Variants in FGF13 observed in about 807,000 individuals in gnomAD.
FGF13 encodes the protein fibroblast growth factor homologous factor 2.
FGF13 carries 2 observed loss-of-function variants against 19.5 expected under a neutral mutation model. The ratio of observed to expected loss-of-function variants is 0.10; its 90% CI spans 0.04 to 0.32. The LOEUF is 0.32. FGF13 is among the 10% of genes least tolerant of loss of function. The pLI, the probability that FGF13 is intolerant of heterozygous loss-of-function variation, is 1.00. For missense variants in FGF13, 113 were observed against 192.7 expected (o/e 0.59, Z 2.45); for synonymous variants, 72 against 76.9 (o/e 0.94, Z 0.33).
intron 3 of FGF13, among the ~76,000 whole-genome samples, chrX:138,655,994 C>T (rs1345595868): frequency 1.8e-5 from 2 of 112,085 alleles, no homozygotes; most frequent in East Asian, 5.6e-4. Context: ...ACACCTACTA[C>T]ATGCATGAAA....
chrX:139,003,289 G>T (rs1296117115), intron 1 of FGF13, among the ~76,000 whole-genome samples: 6 of 110,800 alleles, frequency 5.4e-5, no homozygotes, highest in Non-Finnish European at 1.1e-4. Flanking sequence ...GTTCCTCCCG[G>T]TGGGCTTGTG....
chrX:138,757,086 G>A (rs756752012), intron 3 of FGF13, among the ~76,000 whole-genome samples: 13 of 110,866 alleles, frequency 1.2e-4, no homozygotes, highest in Non-Finnish European at 1.9e-4. Context: ...GGATGGGTGC[G>A]ATGAGAAACA....
rs1325144385 is a variant in FGF13, at chrX:138,625,510, TA to T, written c.*7339del. 11 of 90,151 alleles carry T rather than the reference TA, an allele frequency of 1.2e-4. No individual in the cohort carries two copies. The highest frequency in any genetic ancestry group is 5.1e-4 in the African/African-American group (10 of 19,489). The allele number at this position is 90,151 out of a possible 1,213,427, so 7.4% of individuals were successfully genotyped here. A position where few individuals can be genotyped will look rare whatever the true frequency, so the allele number is the denominator to read the frequency against. On this transcript the variant is annotated 3_prime_UTR_variant, in exon 5 of 5. Coordinates refer to ENST00000315930, the MANE Select transcript of FGF13 (RefSeq NM_004114.5). ...ATATATATATATACATATATATATA[TA>T]ATATAATATATATATATATCTTAGC... is the stretch of plus-strand genomic sequence containing the variant.
At chrX:138,932,162 G>T (rs2124260329) in intron 1 of FGF13, among the ~76,000 whole-genome samples, 1 of 112,069 alleles carries the variant, frequency 8.9e-6, no homozygotes, top group African/African-American at 3.2e-5. Flanking sequence ...GTCCTTAAAA[G>T]CTTAAATATC....
chrX:138,849,037 T>C (rs1206574215), intron 3 of FGF13, among the ~76,000 whole-genome samples: 1 of 111,296 alleles, frequency 9.0e-6, no homozygotes, highest in East Asian at 2.8e-4. Context: ...CGATAGTAGG[T>C]GGGAATCGAG....
intron 1 of FGF13, among the ~76,000 whole-genome samples, chrX:138,879,780 T>G (rs758794952): frequency 9.0e-6 from 1 of 111,160 alleles, no homozygotes; most frequent in South Asian, 3.8e-4. Flanking sequence ...GGCAAAGACT[T>G]CATGACTAAA....
chrX:139,161,361 C>T lies in FGF13; in HGVS notation c.-113+42055G>A, dbSNP rs182742554. The stretch of plus-strand genomic sequence containing the variant: ...ACATATCTCAAAATAATAAGAGCTA[C>T]TTATGACAAACCCACAGTCAATATC... On this transcript the variant is annotated intron_variant, in intron 1 of 2. Transcript: ENST00000421460. Among the ~76,000 whole-genome samples the T allele has an allele frequency of 3.5e-3, 389 of 111,666 alleles. 3 individuals are homozygous for T. Among genetic ancestry groups the T allele is most frequent in the African/African-American group, 0.012 (368 of 30,769 alleles).
intron 1 of FGF13, among the ~76,000 whole-genome samples, chrX:139,020,257 A>G (rs1231725220): frequency 1.8e-5 from 2 of 111,531 alleles, no homozygotes; most frequent in African/African-American, 6.5e-5. Context: ...CCTTCTTCAC[A>G]GACAGAAATT....
intron 3 of FGF13, among the ~76,000 whole-genome samples, chrX:138,781,845 G>A (rs780735113): frequency 1.8e-5 from 2 of 111,768 alleles, no homozygotes; most frequent in South Asian, 7.5e-4. Context: ...GCCGGGCAGA[G>A]ACACAACGAA....
chrX:139,141,012 C>T (rs2083838665), intron 1 of FGF13, among the ~76,000 whole-genome samples: 1 of 108,348 alleles, frequency 9.2e-6, no homozygotes, highest in Non-Finnish European at 1.9e-5. Context: ...GAAATGCCAG[C>T]TTTTCCTCGA....
At chrX:139,161,733 T>A (rs1056573502) in intron 1 of FGF13, among the ~76,000 whole-genome samples, 9 of 111,152 alleles carry the variant, frequency 8.1e-5, no homozygotes, top group African/African-American at 3.0e-4. Flanking sequence ...AGCGCAAAAA[T>A]CACAAGCATT....
chrX:139,119,959 C>T (rs1192652940), intron 1 of FGF13, among the ~76,000 whole-genome samples: 1 of 112,141 alleles, frequency 8.9e-6, no homozygotes, highest in African/African-American at 3.2e-5. Context: ...AATTGTAATT[C>T]CCAGAGGAAG....
At chrX:138,922,345 G>A (rs1431548425) in intron 1 of FGF13, among the ~76,000 whole-genome samples, 1 of 111,704 alleles carries the variant, frequency 9.0e-6, no homozygotes, top group Admixed American at 9.6e-5. Flanking sequence ...ATGGCCCCAA[G>A]GGTGCCAATC....
At chrX:138,838,113 C>T (rs892468107) in intron 3 of FGF13, among the ~76,000 whole-genome samples, 1 of 111,982 alleles carries the variant, frequency 8.9e-6, no homozygotes, top group Non-Finnish European at 1.9e-5. Flanking sequence ...ACCCTTCCCC[C>T]AGAAAGCTTT....
chrX:139,086,233 G>A (rs906632853), intron 1 of FGF13, among the ~76,000 whole-genome samples: 6 of 111,713 alleles, frequency 5.4e-5, no homozygotes, highest in Admixed American at 3.8e-4. Flanking sequence ...AGAGGCTGAC[G>A]TGCTGGTTTC....
At chrX:138,815,996 C>T (rs919345198) in intron 3 of FGF13, among the ~76,000 whole-genome samples, 2 of 109,972 alleles carry the variant, frequency 1.8e-5, no homozygotes, top group African/African-American at 3.3e-5. Context: ...CTAATGCATG[C>T]CCAAAATTAC....
At chrX:138,846,915 T>G in intron 3 of FGF13, among the ~76,000 whole-genome samples, 1 of 111,728 alleles carries the variant, frequency 9.0e-6, no homozygotes, top group Admixed American at 9.5e-5. Context: ...TCATTTCATC[T>G]CTTCCTTTTG....
At position 138,738,569 on chromosome X, in the gene FGF13, C is replaced by T. The variant is rs62602173; in HGVS notation, c.28+673G>A. Among the ~76,000 whole-genome samples, 817 of 111,773 alleles carry T rather than the reference C, an allele frequency of 7.3e-3. 3 individuals are homozygous for T. The highest frequency in any genetic ancestry group is 0.013 in the African/African-American group (407 of 30,835). ...AACCTTCTCTCAGCTTGTTTTTCTC[C>T]GTGAGCTGGAAGCTCTTGGGCGTTG... is the stretch of plus-strand genomic sequence containing the variant. On this transcript the variant is annotated intron_variant, in intron 1 of 4. Coordinates refer to the FGF13 transcript ENST00000305414.
At chrX:139,184,155 T>C (rs1341569686) in intron 1 of FGF13, among the ~76,000 whole-genome samples, 1 of 112,288 alleles carries the variant, frequency 8.9e-6, no homozygotes, top group Non-Finnish European at 1.9e-5. Context: ...TCATACCAAC[T>C]TAGTACATGT....
Sources: allele counts gnomAD v4.1 joint callset (sites outside exome capture counted in the v4.1 genomes callset), GRCh38; gene constraint gnomAD v4.1.1; transcripts MANE v1.5; gene names NCBI Gene and HGNC (gene_info 2026-07-23, HGNC 2026-07-21).